The following HEMK2 variants were observed in gnomAD, a reference collection of about 807,000 sequenced individuals.
HEMK2 encodes the protein HemK methyltransferase 2, ETF1 glutamine and histone H4 lysine.
At chr21:28,718,940 G>A in the HEMK2 span, among the ~76,000 whole-genome samples, 1 of 152,078 alleles carries the variant, frequency 6.6e-6, no homozygotes, top group Non-Finnish European at 1.5e-5. Flanking sequence ...TATGAGTCAA[G>A]GTTAATGTCT....
At chr21:28,610,795 G>A in the HEMK2 span, among the ~76,000 whole-genome samples, 1 of 152,120 alleles carries the variant, frequency 6.6e-6, no homozygotes, top group Non-Finnish European at 1.5e-5. Context: ...AGTTAAAAAA[G>A]ACAAAGAGAG....
chr21:28,697,885 T>A, the HEMK2 span, among the ~76,000 whole-genome samples: 9 of 151,998 alleles, frequency 5.9e-5, no homozygotes, highest in Admixed American at 2.0e-4. Flanking sequence ...CACGGTGACT[T>A]GTAAACAATG....
At chr21:28,727,631 TG>T in the HEMK2 span, among the ~76,000 whole-genome samples, 1 of 152,234 alleles carries the variant, frequency 6.6e-6, no homozygotes, top group Non-Finnish European at 1.5e-5. Flanking sequence ...TAAGATTTAT[TG>T]GAGAAGAAAA....
At chr21:28,767,422 T>C in the HEMK2 span, among the ~76,000 whole-genome samples, 1 of 146,660 alleles carries the variant, frequency 6.8e-6, no homozygotes, top group Non-Finnish European at 1.5e-5. Flanking sequence ...GGGCATGAGA[T>C]TTAAAAAAAA....
At chr21:28,821,306 A>G in the HEMK2 span, among the ~76,000 whole-genome samples, 5 of 152,140 alleles carry the variant, frequency 3.3e-5, no homozygotes, top group Non-Finnish European at 5.9e-5. Flanking sequence ...GGCAACCTCA[A>G]TCTGAATCTC....
At chr21:28,813,564 T>C in the HEMK2 span, among the ~76,000 whole-genome samples, 2 of 152,016 alleles carry the variant, frequency 1.3e-5, no homozygotes, top group African/African-American at 4.8e-5. Context: ...CTTCACAGAA[T>C]AAGAAAAAAA....
chr21:28,767,758 G>C, the HEMK2 span, among the ~76,000 whole-genome samples: 112 of 152,078 alleles, frequency 7.4e-4, 1 homozygote, highest in African/African-American at 2.5e-3. Context: ...GGCGGTAGTT[G>C]GTGTCTCAGG....
chr21:28,870,770 A>C, the HEMK2 span, among the ~76,000 whole-genome samples: 1 of 152,146 alleles, frequency 6.6e-6, no homozygotes. Context: ...GGGACTTTAA[A>C]ATTTTATTTT....
At chr21:28,777,629 T>G in the HEMK2 span, among the ~76,000 whole-genome samples, 369 of 152,280 alleles carry the variant, frequency 2.4e-3, 4 homozygotes, top group African/African-American at 8.5e-3. Flanking sequence ...TGGCTTAGGA[T>G]AGACCAGCAA....
At chr21:28,613,714 C>A in the HEMK2 span, among the ~76,000 whole-genome samples, 1 of 135,386 alleles carries the variant, frequency 7.4e-6, no homozygotes, top group South Asian at 2.4e-4. Flanking sequence ...CAGGCCAAGT[C>A]ATTTAGCTTA....
chr21:28,696,629 C>T, the HEMK2 span, among the ~76,000 whole-genome samples: 2 of 152,316 alleles, frequency 1.3e-5, no homozygotes, highest in South Asian at 4.1e-4. Context: ...CTTCTTCTCA[C>T]AGCTCCTCTA....
the HEMK2 span, among the ~76,000 whole-genome samples, chr21:28,813,170 T>G: frequency 6.6e-6 from 1 of 152,196 alleles, no homozygotes; most frequent in Non-Finnish European, 1.5e-5. Flanking sequence ...TTGTCTCTCT[T>G]TGCAGATGAC....
chr21:28,647,456 T>A, the HEMK2 span, among the ~76,000 whole-genome samples: 1 of 138,534 alleles, frequency 7.2e-6, no homozygotes, highest in African/African-American at 2.7e-5. Context: ...TGCAGTGAGC[T>A]GAGATCGCAC....
the HEMK2 span, among the ~76,000 whole-genome samples, chr21:28,821,905 T>C: frequency 6.6e-6 from 1 of 152,374 alleles, no homozygotes; most frequent in South Asian, 2.1e-4. Context: ...CAACACTTAC[T>C]AGTTCTGGTT....
the HEMK2 span, among the ~76,000 whole-genome samples, chr21:28,666,560 G>A: frequency 6.6e-6 from 1 of 152,102 alleles, no homozygotes; most frequent in Non-Finnish European, 1.5e-5. Flanking sequence ...AGAGAGACAT[G>A]AATGATTAGA....
At chr21:28,824,815 G>T in the HEMK2 span, among the ~76,000 whole-genome samples, 2 of 152,132 alleles carry the variant, frequency 1.3e-5, no homozygotes, top group South Asian at 4.1e-4. Context: ...ATCCTAAAGG[G>T]TCAATAATCC....
At chr21:28,822,139 T>C in the HEMK2 span, among the ~76,000 whole-genome samples, 2 of 145,152 alleles carry the variant, frequency 1.4e-5, no homozygotes, top group Non-Finnish European at 3.1e-5. Flanking sequence ...ATCACTAGTT[T>C]AGCCACACTC....
chr21:28,793,382 C>T, the HEMK2 span, among the ~76,000 whole-genome samples: 1 of 152,198 alleles, frequency 6.6e-6, no homozygotes. Context: ...AAGACCTTTG[C>T]CACTTCCAAT....
chr21:28,677,015 G>A, the HEMK2 span, among the ~76,000 whole-genome samples: 766 of 152,300 alleles, frequency 5.0e-3, 6 homozygotes, highest in African/African-American at 0.017. Context: ...CTGAAGTACC[G>A]GGTTCATCTC....
Sources: gnomAD v4.1 joint callset for allele counts (sites outside exome capture counted in the v4.1 genomes callset) on GRCh38, gnomAD v4.1.1 for gene constraint, MANE v1.5 for transcripts, NCBI Gene and HGNC (gene_info 2026-07-23, HGNC 2026-07-21) for gene names.